The following PCLO variants were observed in gnomAD, a reference collection of about 807,000 sequenced individuals.
The protein encoded by PCLO is protein piccolo.
A neutral mutation model predicts 427.5 loss-of-function variants in PCLO; 82 were observed. That is an observed-to-expected ratio of 0.19 (90% confidence interval 0.16 to 0.23). The LOEUF (loss-of-function observed/expected upper bound fraction) is 0.23, where lower values mean the gene tolerates loss of function less well. Ranked by LOEUF, PCLO falls within the 10% of genes least tolerant of loss-of-function variation. The pLI, the probability that PCLO is intolerant of heterozygous loss-of-function variation, is 1.00. For synonymous variants in PCLO, 2,357 were observed against 2,155.4 expected (o/e 1.09, Z -2.59); for missense variants, 6,239 against 6,115.9 (o/e 1.02, Z -0.67).
intron 3 of PCLO, among the ~76,000 whole-genome samples, chr7:82,972,172 C>G (rs544377127): frequency 2.0e-5 from 3 of 152,022 alleles, no homozygotes; most frequent in African/African-American, 7.2e-5. Flanking sequence ...TCAGCTAGTA[C>G]ATGTTAATAA....
rs374360990 is a variant in PCLO at position 82,952,747 on chromosome 7, C to T, written c.8206G>A (p.Val2736Ile). ...CATTTATCAGTTGTTTTAACTTCTA[C>T]CTTTGGTACTGTACGCAAATCAATT... ...DVIDLRTVPK[V>I]EVKTTDKCID... Residue 2736 changes from valine (V) to isoleucine (I), a missense_variant, in exon 5 of 25, where the codon GTA becomes ATA. Around this residue, in one of 5 missense-constraint regions of PCLO, gnomAD observed 4,677 missense variants for 4,468.4 expected, o/e 1.05. Coordinates refer to ENST00000333891, the MANE Select transcript of PCLO (RefSeq NM_033026.6). 48 of 1,613,404 alleles carry T rather than the reference C, an allele frequency of 3.0e-5. No homozygotes were observed. The highest frequency in any genetic ancestry group is 3.6e-5 in the Non-Finnish European group (42 of 1,179,624).
intron 14 of PCLO, among the ~76,000 whole-genome samples, chr7:82,839,902 A>AAATAATAAT (rs374069195): frequency 0.011 from 1,646 of 152,014 alleles, 30 homozygotes; most frequent in African/African-American, 0.037. Flanking sequence ...TGCTAAAATA[A>AAATAATAAT]AATAATAATA....
At chr7:82,768,316 G>A (rs1278024257) in intron 22 of PCLO, among the ~76,000 whole-genome samples, 1 of 151,686 alleles carries the variant, frequency 6.6e-6, no homozygotes. Flanking sequence ...CCAGCTCCTC[G>A]GGAGACTGAG....
chr7:83,162,465 G>C lies in PCLO; in HGVS notation c.128C>G (p.Ala43Gly), dbSNP rs1792467538. The C allele has an allele frequency of 6.3e-7, 1 of 1,588,212 alleles. No homozygotes were observed. The highest frequency in any genetic ancestry group is 8.6e-7 in the Non-Finnish European group (1 of 1,167,200). Residue 43 changes from alanine to glycine, a missense_variant, in exon 1 of 25, where the codon GCG (alanine) becomes GGG (glycine). Physicochemically the swap from Ala to Gly is moderately conservative, Grantham distance 60. Transcript: ENST00000333891. Reference protein sequence around the residue: ...SHTAIPAGMEADLSQLSEEER... With the variant: ...SHTAIPAGMEGDLSQLSEEER... The stretch of plus-strand genomic sequence containing the variant: ...CTCTTCGCTCAGCTGGCTCAAATCC[G>C]CCTCCATGCCGGCCGGGATCGCGGT...
At position 83,155,868 on chromosome 7, in the gene PCLO, A is replaced by G; in HGVS notation, c.773T>C (p.Ile258Thr). 1.2e-6 allele frequency: 2 copies of G among 1,613,860 alleles called. No homozygotes were observed. Among genetic ancestry groups the G allele is most frequent in the Non-Finnish European group, 1.7e-6 (2 of 1,179,872 alleles). The part of the protein sequence containing the change: ...KSQPPGTGKP[I>T]QGPTQTPQTD... ...CTGAGGAGTCTGGGTAGGACCCTGA[A>G]TTGGCTTTCCTGTACCTGGAGGTTG... The change falls in exon 2 of 25, where the codon ATT becomes ACT. Residue 258 changes from isoleucine (I) to threonine (T), a missense_variant. Physicochemically the swap from Ile to Thr is moderately conservative, Grantham distance 89. Coordinates refer to ENST00000333891, the MANE Select transcript of PCLO (RefSeq NM_033026.6).
At chr7:83,033,410 T>C (rs1300745328) in intron 3 of PCLO, among the ~76,000 whole-genome samples, 4 of 152,132 alleles carry the variant, frequency 2.6e-5, no homozygotes, top group Non-Finnish European at 5.9e-5. Context: ...CTGGTATCTG[T>C]TATTTGTATG....
At chr7:82,932,019 A>C (rs190873543) in intron 6 of PCLO, among the ~76,000 whole-genome samples, 1 of 152,272 alleles carries the variant, frequency 6.6e-6, no homozygotes, top group African/African-American at 2.4e-5. Flanking sequence ...TCAGTGGCTA[A>C]AATTTGAGAA....
At chr7:82,770,215 A>G (rs1790620113) in intron 22 of PCLO, among the ~76,000 whole-genome samples, 1 of 152,070 alleles carries the variant, frequency 6.6e-6, no homozygotes, top group East Asian at 1.9e-4. Flanking sequence ...CTCAATAAGC[A>G]TTAATTCTTT....
At position 82,966,276 on chromosome 7, in the gene PCLO, A is replaced by C. The variant is rs1251139653; in HGVS notation, c.3512T>G (p.Val1171Gly). The C allele has an allele frequency of 6.2e-7, 1 of 1,612,270 alleles. No homozygotes were observed. The highest frequency in any genetic ancestry group is 8.5e-7 in the Non-Finnish European group (1 of 1,179,536). The change falls in exon 4 of 25, where the codon GTC (valine) becomes GGC (glycine). Residue 1171 changes from valine (V) to glycine (G), a missense_variant. Val to Gly is a moderately radical substitution (Grantham distance 109, BLOSUM62 -3). This residue lies in a region of PCLO where 4,677 missense variants were observed against 4,468.4 expected (regional missense o/e 1.05). Transcript: ENST00000333891. ...TGTTTCCTTTACTTTTTCCAGAATG[A>C]CTTTTTCAGCTTCCGTTTTTACTTC... ...EQEVKTEAEK[V>G]ILEKVKETLS...
rs754034236 is a variant in PCLO at position 82,956,887 on chromosome 7, T to C, written c.4066A>G (p.Ser1356Gly). The part of the protein sequence containing the change: ...SDTSSSQQPK[S>G]PQGLSDTGYS... Reference sequence around the variant, plus strand: ...CCCGTGTCGCTCAGACCTTGGGGGCTTTTAGGCTGCTGAGAACTTGAGGTG... The same window carrying C: ...CCCGTGTCGCTCAGACCTTGGGGGCCTTTAGGCTGCTGAGAACTTGAGGTG... Residue 1356 changes from serine (S) to glycine (G), a missense_variant, in exon 5 of 25, where the codon AGC (serine) becomes GGC (glycine). By Grantham distance (56) the Ser-to-Gly change is moderately conservative. Around this residue, in one of 5 missense-constraint regions of PCLO, gnomAD observed 4,677 missense variants for 4,468.4 expected, o/e 1.05. Transcript: ENST00000333891. The C allele has an allele frequency of 1.9e-6, 3 of 1,612,786 alleles. No individual in the cohort carries two copies. Among genetic ancestry groups the C allele is most frequent in the Admixed American group, 3.3e-5 (2 of 59,834 alleles).
chr7:83,053,533 T>C (rs987973158), intron 3 of PCLO, among the ~76,000 whole-genome samples: 10 of 151,790 alleles, frequency 6.6e-5, no homozygotes, highest in African/African-American at 2.4e-4. Flanking sequence ...TAGTAAGGTG[T>C]GATGGAAGAG....
intron 9 of PCLO, chr7:82,894,546 A>G (rs1793853700): frequency 6.6e-6 from 1 of 152,128 alleles, no homozygotes; most frequent in Non-Finnish European, 1.5e-5. Flanking sequence ...TATCATGAGA[A>G]CAGCACGAGA....
At chr7:83,083,382 A>G (rs931448340) in intron 3 of PCLO, among the ~76,000 whole-genome samples, 1 of 152,056 alleles carries the variant, frequency 6.6e-6, no homozygotes, top group African/African-American at 2.4e-5. Context: ...AAAGTGAGCA[A>G]TACAACAAAA....
chr7:82,933,818 G>C (rs1794892132), intron 6 of PCLO, among the ~76,000 whole-genome samples: 1 of 151,936 alleles, frequency 6.6e-6, no homozygotes, highest in Non-Finnish European at 1.5e-5. Flanking sequence ...CTTTACAAGT[G>C]AATTTTCCCT....
chr7:82,821,182 A>T (rs1791782391), intron 20 of PCLO: 1 of 997,382 alleles, frequency 1.0e-6, no homozygotes, highest in Non-Finnish European at 1.2e-6. Context: ...CTTGGTTGCC[A>T]TTGGCTGGTG....
chr7:83,000,274 AG>A (rs1787786025), intron 3 of PCLO, among the ~76,000 whole-genome samples: 1 of 11,144 alleles, frequency 9.0e-5, no homozygotes. Context: ...GTGTTGAGAG[AG>A]AGAGAGAGAG....
chr7:82,829,447 A>C (rs1214132229), intron 16 of PCLO, among the ~76,000 whole-genome samples: 1 of 152,184 alleles, frequency 6.6e-6, no homozygotes, highest in African/African-American at 2.4e-5. Flanking sequence ...TTGGTGTTTC[A>C]TAACACTTCA....
intron 3 of PCLO, among the ~76,000 whole-genome samples, chr7:83,023,195 T>G (rs1788389246): frequency 6.6e-6 from 1 of 152,220 alleles, no homozygotes; most frequent in African/African-American, 2.4e-5. Flanking sequence ...GGCAAAATGA[T>G]TTTATGACTT....
chr7:82,899,100 CAT>C lies in PCLO; in HGVS notation c.13528+3549_13528+3550del, dbSNP rs1407649389. Among the ~76,000 whole-genome samples, 8 of 151,456 alleles carry C rather than the reference CAT, an allele frequency of 5.3e-5. No individual in the cohort carries two copies. The South Asian group carries it at 1.7e-3, about 31-fold the overall frequency. On this transcript the variant is annotated intron_variant, in intron 9 of 24. Coordinates refer to ENST00000333891, the MANE Select transcript of PCLO (RefSeq NM_033026.6). ...GTAGTTATCACTTTGTTTCATGAAA[CAT>C]ATATACTTGTATATATACTTCAAAA...
Sources: gnomAD v4.1 joint callset for allele counts (sites outside exome capture counted in the v4.1 genomes callset) on GRCh38, gnomAD v4.1.1 for gene constraint, gnomAD v4.1.1 regional missense constraint, MANE v1.5 for transcripts, NCBI Gene and HGNC (gene_info 2026-07-23, HGNC 2026-07-21) for gene names.